The following CDH3 variants were observed in gnomAD, a reference collection of about 807,000 sequenced individuals.
CDH3 encodes cadherin 3, also known as cadherin-3.
Under a neutral mutation model 82.0 loss-of-function variants are expected in CDH3, and 54 were observed. The ratio of observed to expected loss-of-function variants is 0.66; its 90% CI spans 0.53 to 0.83. The LOEUF is 0.83. CDH3 is among the 40% of genes least tolerant of loss of function. CDH3 has a pLI of 0.00. For synonymous variants in CDH3, 446 were observed against 437.9 expected (o/e 1.02, Z -0.23); for missense variants, 1,054 against 1,084.6 (o/e 0.97, Z 0.40).
chr16:68,725,336 A>G (rs4783670), intron 2 of CDH3, among the ~76,000 whole-genome samples: 121,976 of 151,404 alleles, frequency 0.81, 49,869 homozygotes, highest in Non-Finnish European at 0.89. Flanking sequence ...TATTTCACCC[A>G]ATTCTTTTTT....
intron 2 of CDH3, among the ~76,000 whole-genome samples, chr16:68,722,812 G>A (rs1038230385): frequency 1.3e-5 from 2 of 151,888 alleles, no homozygotes; most frequent in African/African-American, 2.4e-5. Flanking sequence ...TTTTTGAGAC[G>A]GGTTTCGCTC....
intron 2 of CDH3, among the ~76,000 whole-genome samples, chr16:68,726,469 C>G (rs907046255): frequency 1.3e-5 from 2 of 152,086 alleles, no homozygotes; most frequent in African/African-American, 4.8e-5. Context: ...GTTCAAATGG[C>G]ACCCAGAAAC....
chr16:68,654,373 T>C (rs1960345966), intron 2 of CDH3, among the ~76,000 whole-genome samples: 1 of 140,934 alleles, frequency 7.1e-6, no homozygotes, highest in Non-Finnish European at 1.5e-5. Flanking sequence ...TCTTAATTTT[T>C]AAATTAATTT....
At chr16:68,683,690 GCCTGGACAACATGGAGAAAAAAAAAA>G (rs1961301107) in intron 9 of CDH3, among the ~76,000 whole-genome samples, 1 of 26,634 alleles carries the variant, frequency 3.8e-5, no homozygotes, top group African/African-American at 1.5e-4. Flanking sequence ...AGAAAATCCA[GCCTGGACAACATGGAGAAAAAAAAAA>G]AAAAAGAAAA....
At chr16:68,706,064 CAAAAAAAAAA>C (rs548695101) in intron 1 of CDH3, among the ~76,000 whole-genome samples, 1 of 70,602 alleles carries the variant, frequency 1.4e-5, no homozygotes, top group African/African-American at 4.4e-5. Context: ...GACTCCGTCT[CAAAAAAAAAA>C]AAAAAAAAAG....
At chr16:68,651,114 G>GTT (rs1449732828) in intron 2 of CDH3, 1 of 439,324 alleles carries the variant, frequency 2.3e-6, no homozygotes, top group African/African-American at 2.0e-5. Flanking sequence ...AGGGAGCCCT[G>GTT]TTGGCCACTG....
chr16:68,680,113 GC>G, intron 7 of CDH3, 139 bp downstream of exon 7: 1 of 813,886 alleles, frequency 1.2e-6, no homozygotes, highest in Non-Finnish European at 2.1e-6. Flanking sequence ...GATGGCCACT[GC>G]TGGGTTCACA....
chr16:68,718,624 G>A (rs952895957), intron 1 of CDH3, among the ~76,000 whole-genome samples: 2 of 152,150 alleles, frequency 1.3e-5, no homozygotes, highest in African/African-American at 2.4e-5. Flanking sequence ...GGAGGTTGCA[G>A]TGAGCCGAGA....
intron 2 of CDH3, chr16:68,651,172 A>G: frequency 2.1e-6 from 1 of 484,190 alleles, no homozygotes; most frequent in Non-Finnish European, 4.2e-6. Flanking sequence ...GCCCAGGCCA[A>G]AGACCTGGCT....
intron 9 of CDH3, among the ~76,000 whole-genome samples, chr16:68,683,368 C>T (rs1961282847): frequency 6.6e-6 from 1 of 151,930 alleles, no homozygotes; most frequent in Non-Finnish European, 1.5e-5. Flanking sequence ...AGAAAAAATC[C>T]AGACCGGGTG....
At position 68,695,333 on chromosome 16, in the gene CDH3, C is replaced by A; in HGVS notation, c.2081C>A (p.Thr694Asn). The change falls in exon 14 of 16, where the codon ACC (threonine) becomes AAC (asparagine). Residue 694 changes from threonine to asparagine, a missense_variant. Thr to Asn is a moderately conservative substitution (Grantham distance 65). Transcript: ENST00000264012. ...KEPLLLPEDD[T>N]RDNVFYYGEE... ...CCCCTCCTACTCCCAGAAGATGACA[C>A]CCGTGACAACGTCTTCTACTATGGC... is the stretch of plus-strand genomic sequence containing the variant. 1.2e-6 allele frequency: 2 copies of A among 1,614,028 alleles called. No individual in the cohort carries two copies. The highest frequency in any genetic ancestry group is 1.7e-6 in the Non-Finnish European group (2 of 1,179,966).
chr16:68,655,660 A>G (rs1297029011), intron 2 of CDH3, among the ~76,000 whole-genome samples: 3 of 151,930 alleles, frequency 2.0e-5, no homozygotes, highest in Non-Finnish European at 4.4e-5. Context: ...CCTGGCCAAC[A>G]TAGTGAAACC....
At chr16:68,658,069 T>C (rs992022727) in intron 2 of CDH3, among the ~76,000 whole-genome samples, 2 of 150,056 alleles carry the variant, frequency 1.3e-5, no homozygotes, top group Admixed American at 1.3e-4. Context: ...TTTCTTTTTT[T>C]TTTTTTTTTT....
chr16:68,694,692 G>A lies in CDH3; in HGVS notation c.2003-563G>A, dbSNP rs575692409. 2.0e-5 allele frequency among the ~76,000 whole-genome samples: 3 copies of A among 152,166 alleles called. No individual in the cohort carries two copies. The East Asian group carries it at 5.8e-4, about 29-fold the overall frequency. ...TAGATTACTGTACCCTATGAAAGTT[G>A]CATTATCTTGTTCTTGAAGTCTGTG... On this transcript the variant is annotated intron_variant, in intron 13 of 15. Transcript: ENST00000264012.
downstream of CDH3, among the ~76,000 whole-genome samples, chr16:68,701,786 G>C (rs1055919142): frequency 2.6e-5 from 4 of 151,966 alleles, no homozygotes; most frequent in Non-Finnish European, 4.4e-5. Context: ...AGCACTTTGG[G>C]AGGCTGAGGC....
chr16:68,731,413 TAC>T (rs1555509194), downstream of CDH3, among the ~76,000 whole-genome samples: 531 of 42,456 alleles, frequency 0.013, 114 homozygotes, highest in Middle Eastern at 0.026. Flanking sequence ...TATATATATA[TAC>T]ATATACACAT....
intron 1 of CDH3, among the ~76,000 whole-genome samples, chr16:68,710,088 G>GGGGAAGGAACCCACAGGAGATGGGGC (rs1962008386): frequency 6.6e-6 from 1 of 152,212 alleles, no homozygotes; most frequent in Admixed American, 6.5e-5. Flanking sequence ...GGTTACATTG[G>GGGGAAGGAACCCACAGGAGATGGGGC]GGGAAGGAAC....
At chr16:68,729,781 GCCA>G (rs1962265018), downstream of CDH3, among the ~76,000 whole-genome samples, 1 of 151,924 alleles carries the variant, frequency 6.6e-6, no homozygotes, top group African/African-American at 2.4e-5. Flanking sequence ...ACAGGTGTGC[GCCA>G]CCACACCAGG....
intron 3 of CDH3, among the ~76,000 whole-genome samples, 176 bp downstream of exon 3, chr16:68,676,646 G>A (rs909395925): frequency 6.6e-6 from 1 of 152,206 alleles, no homozygotes; most frequent in Non-Finnish European, 1.5e-5. Context: ...TCTAAGGGGG[G>A]TAGTGCTTGC....
Sources: gnomAD v4.1 joint callset for allele counts (sites outside exome capture counted in the v4.1 genomes callset) on GRCh38, gnomAD v4.1.1 for gene constraint, MANE v1.5 for transcripts, NCBI Gene and HGNC (gene_info 2026-07-23, HGNC 2026-07-21) for gene names.